GABRG3: variants seen among roughly 807,000 people sequenced by gnomAD.
The protein encoded by GABRG3 is gamma-aminobutyric acid receptor subunit gamma-3.
Under a neutral mutation model 48.8 loss-of-function variants are expected in GABRG3, and 25 were observed. The observed-to-expected ratio is 0.51, with a 90% CI of 0.37 to 0.72. GABRG3 has a LOEUF of 0.72. Ranked by LOEUF, GABRG3 falls within the 30% of genes least tolerant of loss-of-function variation. The pLI, the probability that GABRG3 is intolerant of heterozygous loss-of-function variation, is 0.00. For missense variants in GABRG3, 394 were observed against 577.9 expected, an observed-to-expected ratio of 0.68 and a Z score of 3.26; for synonymous variants, 227 against 217.6, an observed-to-expected ratio of 1.04 and a Z score of -0.38.
intron 3 of GABRG3, among the ~76,000 whole-genome samples, chr15:27,187,456 A>G (rs1353335326): frequency 6.6e-6 from 1 of 152,160 alleles, no homozygotes; most frequent in African/African-American, 2.4e-5. Context: ...TGGCATTGGT[A>G]GTTTGATAGG....
At chr15:27,393,257 T>C (rs1887198244) in intron 5 of GABRG3, among the ~76,000 whole-genome samples, 1 of 149,480 alleles carries the variant, frequency 6.7e-6, no homozygotes. Flanking sequence ...GGCAGGAGAA[T>C]GGCGTGAACC....
chr15:26,971,502 G>A lies in GABRG3; in HGVS notation c.-34G>A. The stretch of plus-strand genomic sequence containing the variant: ...CCGGAGGAAGCCGCGCCCGGCCGAG[G>A]CCCCGGACCCTGCGCCCCGAGCTCC... On this transcript the variant is annotated 5_prime_UTR_variant, in exon 1 of 10. Transcript: ENST00000615808. 1 of 1,494,658 alleles carries A rather than the reference G, an allele frequency of 6.7e-7. No homozygotes were observed. The highest frequency in any genetic ancestry group is 8.9e-7 in the Non-Finnish European group (1 of 1,119,998). 92.6% of individuals were successfully genotyped at this position (1,494,658 alleles called of 1,614,324 possible).
In GABRG3 at chr15:26,976,915, T is replaced by C; in HGVS notation, c.54-87T>C. ...TGGGTACTGGGGACTTTCTACCCAT[T>C]TCATGGTACTTGGATAGGACAAACT... is the stretch of plus-strand genomic sequence containing the variant. On this transcript the variant is annotated intron_variant, in intron 1 of 9. Transcript: ENST00000615808. The surrounding 1 kb of genome is among the most constrained non-coding windows in gnomAD (Gnocchi z 7.8). The C allele has an allele frequency of 7.1e-7, 1 of 1,403,094 alleles. No individual in the cohort carries two copies. The highest frequency in any genetic ancestry group is 9.9e-7 in the Non-Finnish European group (1 of 1,008,362). 86.9% of individuals were successfully genotyped at this position (1,403,094 alleles called of 1,614,324 possible).
At chr15:27,490,558 C>T (rs1443584347) in intron 6 of GABRG3, among the ~76,000 whole-genome samples, 2 of 152,300 alleles carry the variant, frequency 1.3e-5, no homozygotes, top group East Asian at 3.9e-4. Context: ...CAATCTCTCT[C>T]TACCATTATT....
intron 3 of GABRG3, among the ~76,000 whole-genome samples, chr15:27,135,993 G>A (rs4563018): frequency 0.33 from 49,830 of 152,024 alleles, 8,747 homozygotes; most frequent in Middle Eastern, 0.4. Flanking sequence ...TACCCAAAGC[G>A]GATGCTCAGA....
intron 3 of GABRG3, among the ~76,000 whole-genome samples, chr15:27,253,778 G>A (rs962607450): frequency 1.3e-4 from 20 of 152,314 alleles, no homozygotes; most frequent in African/African-American, 3.4e-4. Flanking sequence ...TGTGCCAGCC[G>A]GGTTGTCTTT....
In GABRG3 at chr15:27,305,378, TAGAG is replaced by T. The variant is rs1216763159; in HGVS notation, c.271-21428_271-21425del. ...AAAAGATATTTGAAAAATAAAGAAA[TAGAG>T]AGTCATACTGTCTTCAAGGAATAGA... On this transcript the variant is annotated intron_variant, in intron 3 of 9. Coordinates refer to ENST00000615808, the MANE Select transcript of GABRG3 (RefSeq NM_033223.5). Among the ~76,000 whole-genome samples, 11 of 150,956 alleles carry T rather than the reference TAGAG, an allele frequency of 7.3e-5. No homozygotes were observed. In the East Asian group the frequency reaches 9.7e-4, roughly 13 times the overall value.
At chr15:27,351,352 ATGTG>A (rs913074414) in intron 5 of GABRG3, among the ~76,000 whole-genome samples, 3 of 111,412 alleles carry the variant, frequency 2.7e-5, no homozygotes, top group African/African-American at 1.1e-4. Flanking sequence ...ATATGTGTGT[ATGTG>A]TGAGTGCCTT....
chr15:27,241,690 G>A (rs1433105826), intron 3 of GABRG3, among the ~76,000 whole-genome samples: 1 of 152,194 alleles, frequency 6.6e-6, no homozygotes, highest in Non-Finnish European at 1.5e-5. Flanking sequence ...CGCTATTCTA[G>A]TGCATAGTTA....
chr15:27,245,746 G>A (rs978341067), intron 3 of GABRG3, among the ~76,000 whole-genome samples: 4 of 151,460 alleles, frequency 2.6e-5, no homozygotes, highest in Non-Finnish European at 5.9e-5. Flanking sequence ...GGTGGCTGGT[G>A]CCTGTAATCC....
intron 3 of GABRG3, among the ~76,000 whole-genome samples, chr15:27,074,720 T>A (rs1347969715): frequency 2.0e-5 from 3 of 152,138 alleles, no homozygotes; most frequent in African/African-American, 7.2e-5. Context: ...TTGAGATCCC[T>A]TAGTGTCTGA....
chr15:27,227,554 G>A (rs1034687957), intron 3 of GABRG3, among the ~76,000 whole-genome samples: 17 of 152,068 alleles, frequency 1.1e-4, no homozygotes, highest in African/African-American at 3.6e-4. Flanking sequence ...GGCCGTGGTG[G>A]CATGCACCTG....
chr15:27,002,760 A>AAAAAAAAAAG lies in GABRG3; in HGVS notation c.203-23991_203-23990insAAAAAAGAAA, dbSNP rs71130292. On this transcript the variant is annotated intron_variant, in intron 2 of 9. Coordinates refer to ENST00000615808, the MANE Select transcript of GABRG3 (RefSeq NM_033223.5). ...CGTGTCTCTCAAAAAAAAAAAAAAA[A>AAAAAAAAAAG]AAAGGAAGGAAGGAAGGAAGGAAAG... 1.5e-3 allele frequency among the ~76,000 whole-genome samples: 193 copies of AAAAAAAAAAG among 125,854 alleles called. 4 individuals are homozygous for AAAAAAAAAAG. Among genetic ancestry groups the AAAAAAAAAAG allele is most frequent in the Non-Finnish European group, 2.2e-3 (132 of 61,306 alleles). The allele number at this position is 125,854 out of a possible 152,430, so 82.6% of individuals were successfully genotyped here. A position where few individuals can be genotyped will look rare whatever the true frequency, so the allele number is the denominator to read the frequency against.
chr15:27,118,210 T>C (rs1371824058), intron 3 of GABRG3, among the ~76,000 whole-genome samples: 2 of 152,154 alleles, frequency 1.3e-5, no homozygotes, highest in East Asian at 3.9e-4. Flanking sequence ...TGACTCTAAT[T>C]TGTGGTACTT....
chr15:26,982,573 G>C (rs35499647), intron 2 of GABRG3, among the ~76,000 whole-genome samples: 3 of 152,054 alleles, frequency 2.0e-5, no homozygotes, highest in Non-Finnish European at 4.4e-5. Context: ...TTAAGGTGCT[G>C]CCATGTGCAA....
chr15:27,342,019 G>C (rs1318458614), intron 5 of GABRG3, among the ~76,000 whole-genome samples: 1 of 152,210 alleles, frequency 6.6e-6, no homozygotes, highest in East Asian at 1.9e-4. Flanking sequence ...CATTCTCCCA[G>C]GGTGATTAAT....
chr15:27,195,104 CTT>C (rs1461337468), intron 3 of GABRG3, among the ~76,000 whole-genome samples: 2 of 150,670 alleles, frequency 1.3e-5, no homozygotes, highest in South Asian at 2.1e-4. Flanking sequence ...ATTTTCTGAG[CTT>C]TTTCATTTAG....
intron 6 of GABRG3, among the ~76,000 whole-genome samples, chr15:27,506,559 T>A (rs1300904821): frequency 2.0e-5 from 3 of 152,056 alleles, no homozygotes; most frequent in African/African-American, 7.2e-5. Context: ...TAGAAGGAGA[T>A]TTTTCCCTAG....
At chr15:27,023,889 C>T (rs1895940732) in intron 2 of GABRG3, among the ~76,000 whole-genome samples, 1 of 152,208 alleles carries the variant, frequency 6.6e-6, no homozygotes, top group African/African-American at 2.4e-5. Flanking sequence ...CTATTTTCCA[C>T]AGTGGGTATA....
Sources: gnomAD v4.1 joint callset for allele counts (sites outside exome capture counted in the v4.1 genomes callset) on GRCh38, gnomAD v4.1.1 for gene constraint, Gnocchi (gnomAD v3.1) non-coding constraint, MANE v1.5 for transcripts, NCBI Gene and HGNC (gene_info 2026-07-23, HGNC 2026-07-21) for gene names.